The following KLF8 variants were observed in gnomAD, a reference collection of about 807,000 sequenced individuals.
The protein encoded by KLF8 is Krueppel-like factor 8.
Under a neutral mutation model 18.2 loss-of-function variants are expected in KLF8, and 10 were observed. The observed-to-expected ratio is 0.55, with a 90% CI of 0.34 to 0.93. The LOEUF (loss-of-function observed/expected upper bound fraction) is 0.93. KLF8 is among the 40% of genes least tolerant of loss of function. The pLI, the probability that KLF8 is intolerant of heterozygous loss-of-function variation, is 0.02. For missense variants in KLF8, 264 were observed against 277.9 expected (o/e 0.95, Z 0.36); for synonymous variants, 109 against 97.3 (o/e 1.12, Z -0.71).
At chrX:56,283,913 G>C (rs1254095949) in intron 5 of KLF8, among the ~76,000 whole-genome samples, 1 of 111,966 alleles carries the variant, frequency 8.9e-6, no homozygotes, top group Non-Finnish European at 1.9e-5. Context: ...ATCACACAAA[G>C]GCCTATTTGA....
the KLF8 span, among the ~76,000 whole-genome samples, chrX:56,134,175 C>T: frequency 9.9e-5 from 11 of 110,939 alleles, no homozygotes; most frequent in Admixed American, 1.9e-4. Context: ...TCTTAAAATT[C>T]ATATGGAACC....
the KLF8 span, among the ~76,000 whole-genome samples, chrX:55,991,474 G>A: frequency 4.5e-5 from 5 of 111,749 alleles, no homozygotes; most frequent in African/African-American, 1.6e-4. Flanking sequence ...GCCTCGGCCT[G>A]CCTCGGCTCC....
chrX:56,290,163 C>G lies in KLF8; in HGVS notation c.*5669C>G, dbSNP rs1430884652. On this transcript the variant is annotated 3_prime_UTR_variant, in exon 6 of 6. Transcript: ENST00000468660. ...CTCTTCTGTATTTTCCCAGATCTCA[C>G]TTGGTTGACCTTAGGCAAGTCATAT... 8.9e-6 allele frequency among the ~76,000 whole-genome samples: 1 copy of G among 111,785 alleles called. No individual in the cohort carries two copies. The highest frequency in any genetic ancestry group is 1.9e-5 in the Non-Finnish European group (1 of 53,138).
the KLF8 span, among the ~76,000 whole-genome samples, chrX:55,979,824 AG>A: frequency 9.0e-6 from 1 of 111,725 alleles, no homozygotes; most frequent in Non-Finnish European, 1.9e-5. Context: ...TGGATATGGG[AG>A]GTGAGTGAGA....
the KLF8 span, among the ~76,000 whole-genome samples, chrX:56,172,916 G>T: frequency 8.9e-6 from 1 of 112,070 alleles, no homozygotes; most frequent in Admixed American, 9.5e-5. Context: ...TTTGAGAAGT[G>T]TCTGTCCATG....
At chrX:56,149,172 G>A in the KLF8 span, among the ~76,000 whole-genome samples, 1 of 111,197 alleles carries the variant, frequency 9.0e-6, no homozygotes, top group Non-Finnish European at 1.9e-5. Flanking sequence ...AGAGAATGGG[G>A]CATTTTTATA....
At chrX:55,982,530 T>C in the KLF8 span, among the ~76,000 whole-genome samples, 1 of 112,082 alleles carries the variant, frequency 8.9e-6, no homozygotes, top group South Asian at 3.7e-4. Flanking sequence ...CCAATGTTAC[T>C]CTACATTGGC....
At chrX:56,182,596 T>C in the KLF8 span, among the ~76,000 whole-genome samples, 1 of 112,404 alleles carries the variant, frequency 8.9e-6, no homozygotes, top group Admixed American at 9.4e-5. Context: ...CCCATCTTTG[T>C]GGTTTTATCT....
the KLF8 span, among the ~76,000 whole-genome samples, chrX:56,157,125 A>T: frequency 9.4e-6 from 1 of 106,357 alleles, no homozygotes; most frequent in Non-Finnish European, 1.9e-5. Flanking sequence ...TCAGCAAACT[A>T]TTGCAAGGAG....
the KLF8 span, among the ~76,000 whole-genome samples, chrX:56,140,197 G>T: frequency 8.9e-6 from 1 of 112,139 alleles, no homozygotes; most frequent in Non-Finnish European, 1.9e-5. Flanking sequence ...AAGCAGTTTG[G>T]CTATTTCTCA....
the KLF8 span, among the ~76,000 whole-genome samples, chrX:56,165,358 G>A: frequency 8.9e-6 from 1 of 112,313 alleles, no homozygotes; most frequent in Non-Finnish European, 1.9e-5. Flanking sequence ...TAGACAAGTA[G>A]TAATTTCTTA....
the KLF8 span, among the ~76,000 whole-genome samples, chrX:56,187,870 A>T: frequency 2.7e-5 from 3 of 112,024 alleles, no homozygotes; most frequent in Admixed American, 2.8e-4. Flanking sequence ...GACAGGACGT[A>T]TCTCAAAATA....
rs149910707 is a variant in KLF8 at position 56,254,868 on chromosome X, T to C, written c.81+4564T>C. ...GATAGGGGGCAGGGTCAACCATGGG[T>C]GGTTTTGGAAAAGGCAACATTCAAG... On this transcript the variant is annotated intron_variant, in intron 2 of 5. Coordinates refer to ENST00000468660, the MANE Select transcript of KLF8 (RefSeq NM_007250.5). 4.7e-3 allele frequency among the ~76,000 whole-genome samples: 516 copies of C among 110,799 alleles called. 1 individual carries two copies. Among genetic ancestry groups the C allele is most frequent in the African/African-American group, 0.016 (486 of 30,491 alleles).
At chrX:56,137,225 T>C in the KLF8 span, among the ~76,000 whole-genome samples, 1 of 109,282 alleles carries the variant, frequency 9.2e-6, no homozygotes, top group Non-Finnish European at 1.9e-5. Context: ...GAACTAGAAA[T>C]ACCATTTGAC....
rs1160586311 is a variant in KLF8 at position 56,269,458 on chromosome X, G to A, written c.727G>A (p.Ala243Thr). Residue 243 changes from alanine to threonine, a missense_variant, in exon 4 of 6, where the codon GCC becomes ACC. Ala to Thr is a moderately conservative substitution (Grantham distance 58). This residue lies in a region of KLF8 where 221 missense variants were observed against 193.6 expected (regional missense o/e 1.14). Coordinates refer to ENST00000468660, the MANE Select transcript of KLF8 (RefSeq NM_007250.5). ...GAGTACAATTGAGAGTGGATCCTCA[G>A]CCTTGCAGAGTCTGCAGGGACTACA... ...EESTIESGSS[A>T]LQSLQGLQQE... 8.3e-7 allele frequency: 1 copy of A among 1,204,460 alleles called. No individual in the cohort carries two copies. Among genetic ancestry groups the A allele is most frequent in the Non-Finnish European group, 1.1e-6 (1 of 892,587 alleles).
chrX:56,266,709 C>T, intron 3 of KLF8: 1 of 753,789 alleles, frequency 1.3e-6, no homozygotes, highest in African/African-American at 2.3e-5. Context: ...AATTATGTGG[C>T]CTCTAAAGCA....
chrX:56,035,044 A>T, the KLF8 span, among the ~76,000 whole-genome samples: 1 of 111,439 alleles, frequency 9.0e-6, no homozygotes, highest in African/African-American at 3.3e-5. Flanking sequence ...CGTGAGCCAC[A>T]GCGCCCGGCC....
chrX:56,142,680 T>A, the KLF8 span, among the ~76,000 whole-genome samples: 1 of 112,080 alleles, frequency 8.9e-6, no homozygotes, highest in Non-Finnish European at 1.9e-5. Flanking sequence ...AACTTAAGTC[T>A]TCTTCCCCAC....
At chrX:56,141,463 A>T in the KLF8 span, among the ~76,000 whole-genome samples, 29 of 111,691 alleles carry the variant, frequency 2.6e-4, no homozygotes, top group African/African-American at 9.1e-4. Flanking sequence ...TATAAATTAA[A>T]GATTATTTAA....
Sources: allele counts gnomAD v4.1 joint callset (sites outside exome capture counted in the v4.1 genomes callset), GRCh38; gene constraint gnomAD v4.1.1; regional missense constraint gnomAD v4.1.1; transcripts MANE v1.5; gene names NCBI Gene and HGNC (gene_info 2026-07-23, HGNC 2026-07-21).